FNBP1L: variants seen among roughly 807,000 people sequenced by gnomAD.
FNBP1L encodes the protein formin-binding protein 1-like.
Under a neutral mutation model 91.2 loss-of-function variants are expected in FNBP1L, and 36 were observed. The observed-to-expected ratio is 0.39, with a 90% confidence interval of 0.30 to 0.52. The LOEUF (loss-of-function observed/expected upper bound fraction) is 0.52. FNBP1L is among the 20% of genes least tolerant of loss of function. FNBP1L has a pLI of 0.66. For missense variants in FNBP1L, 571 were observed against 732.1 expected, an observed-to-expected ratio of 0.78 and a Z score of 2.54; for synonymous variants, 242 against 237.0, an observed-to-expected ratio of 1.02 and a Z score of -0.19.
intron 1 of FNBP1L, among the ~76,000 whole-genome samples, chr1:93,465,774 G>A (rs1570768170): frequency 3.9e-5 from 6 of 152,264 alleles, no homozygotes; most frequent in Admixed American, 3.3e-4. Flanking sequence ...TTGAGGAATC[G>A]CCACACTGTC....
At chr1:93,451,554 A>G (rs1414054568) in intron 1 of FNBP1L, among the ~76,000 whole-genome samples, 1 of 152,208 alleles carries the variant, frequency 6.6e-6, no homozygotes, top group Non-Finnish European at 1.5e-5. Flanking sequence ...AAGTGCATAT[A>G]AATCTTTTTT....
At chr1:93,452,621 G>C (rs889478166) in intron 1 of FNBP1L, among the ~76,000 whole-genome samples, 1 of 152,154 alleles carries the variant, frequency 6.6e-6, no homozygotes, top group African/African-American at 2.4e-5. Flanking sequence ...TAGAGATGGG[G>C]TCTTGCTATA....
intron 4 of FNBP1L, 141 bp downstream of exon 4, chr1:93,523,632 A>G: frequency 2.2e-6 from 2 of 896,464 alleles, no homozygotes; most frequent in East Asian, 2.9e-5. Flanking sequence ...ATTATCACAA[A>G]ATACTCTTGC....
At chr1:93,458,898 T>TA (rs1242350059) in intron 1 of FNBP1L, among the ~76,000 whole-genome samples, 1 of 152,236 alleles carries the variant, frequency 6.6e-6, no homozygotes, top group African/African-American at 2.4e-5. Context: ...ATGGCAAGTA[T>TA]AGAAGTATAG....
chr1:93,543,918 A>G (rs543001606), intron 11 of FNBP1L, 189 bp from the exon 12 acceptor site: 1 of 355,248 alleles, frequency 2.8e-6, no homozygotes, highest in East Asian at 4.5e-5. Flanking sequence ...TCTTCAGTAC[A>G]TTGTTTTCAT....
At chr1:93,520,168 C>T (rs1209135976) in intron 2 of FNBP1L, among the ~76,000 whole-genome samples, 2 of 152,104 alleles carry the variant, frequency 1.3e-5, no homozygotes, top group African/African-American at 4.8e-5. Context: ...TATAAGTCTC[C>T]TGCTCATGGG....
At chr1:93,513,040 AAAG>A (rs1056523514) in intron 2 of FNBP1L, among the ~76,000 whole-genome samples, 8 of 152,206 alleles carry the variant, frequency 5.3e-5, no homozygotes, top group African/African-American at 1.9e-4. Context: ...ACTAATAAAA[AAAG>A]AGAGAAGAAT....
intron 7 of FNBP1L, 21 bp from the exon 8 acceptor site, chr1:93,532,901 A>T (rs775967671): frequency 1.7e-5 from 26 of 1,565,010 alleles, no homozygotes; most frequent in African/African-American, 5.5e-5. Context: ...TTCTCTTTTT[A>T]AAAAAATTCT....
intron 1 of FNBP1L, among the ~76,000 whole-genome samples, chr1:93,472,760 C>T (rs937369733): frequency 1.7e-5 from 2 of 121,200 alleles, no homozygotes; most frequent in Admixed American, 1.2e-4. Context: ...TGCAGTGAGC[C>T]GAGATTGCGC....
intron 6 of FNBP1L, among the ~76,000 whole-genome samples, 154 bp downstream of exon 6, chr1:93,529,910 T>C (rs900758650): frequency 3.3e-5 from 5 of 152,198 alleles, no homozygotes; most frequent in African/African-American, 9.6e-5. Context: ...CTTTAAATTA[T>C]ACGTATTGGT....
intron 1 of FNBP1L, among the ~76,000 whole-genome samples, chr1:93,490,096 G>A (rs1344011917): frequency 6.6e-6 from 1 of 152,160 alleles, no homozygotes; most frequent in African/African-American, 2.4e-5. Flanking sequence ...TGGATGCAAG[G>A]CTGTATCAAA....
chr1:93,472,656 C>A (rs1351257798), intron 1 of FNBP1L, among the ~76,000 whole-genome samples: 1 of 151,332 alleles, frequency 6.6e-6, no homozygotes, highest in African/African-American at 2.4e-5. Flanking sequence ...ACTAAAAATA[C>A]AAAAAATTAG....
At chr1:93,522,781 C>G (rs190605195) in intron 3 of FNBP1L, among the ~76,000 whole-genome samples, 2 of 152,150 alleles carry the variant, frequency 1.3e-5, no homozygotes, top group Non-Finnish European at 2.9e-5. Context: ...TACATTAATA[C>G]AGTGATTCTC....
chr1:93,546,929 C>T lies in FNBP1L; in HGVS notation c.1362C>T (p.Thr454=). The T allele has an allele frequency of 6.2e-7, 1 of 1,612,598 alleles. No homozygotes were observed. The change falls in exon 13 of 17, where the codon ACC becomes ACT. Residue 454 remains threonine (T), a synonymous_variant. Coordinates refer to ENST00000271234, the MANE Select transcript of FNBP1L (RefSeq NM_001164473.3). ...PGSLQPKLAE[T]MNNIDRLRME... ...GTTTGCAGCCTAAATTAGCAGAGAC[C>T]ATGAATAACATTGACCGCCTACGAA...
At chr1:93,536,256 C>T in intron 9 of FNBP1L, 76 bp from the exon 10 acceptor site, 1 of 1,118,980 alleles carries the variant, frequency 8.9e-7, no homozygotes, top group South Asian at 3.7e-5. Flanking sequence ...AAGTATGTTG[C>T]CAAAAATAGA....
intron 3 of FNBP1L, among the ~76,000 whole-genome samples, chr1:93,522,841 T>A (rs551185628): frequency 6.6e-6 from 1 of 152,306 alleles, no homozygotes; most frequent in East Asian, 1.9e-4. Flanking sequence ...TTTTTGACCC[T>A]TTACCCGCTT....
rs768331923 is a variant in FNBP1L, at chr1:93,499,571, C to G, written c.128C>G (p.Ala43Gly). 1.0e-5 allele frequency: 16 copies of G among 1,571,662 alleles called. No individual in the cohort carries two copies. In the African/African-American group the frequency reaches 1.6e-4, roughly 16 times the overall value. ...KERIEIEQNY[A>G]KQLRNLVKKY... is the part of the protein sequence containing the mutation. ...AGGATAGAAATTGAACAGAACTATG[C>G]GAAACAATTGAGGTAAGTTAATTTT... Residue 43 changes from alanine (A) to glycine (G), a missense_variant, in exon 2 of 17, where the codon GCG (alanine) becomes GGG (glycine). Coordinates refer to ENST00000271234, the MANE Select transcript of FNBP1L (RefSeq NM_001164473.3).
intron 2 of FNBP1L, among the ~76,000 whole-genome samples, chr1:93,502,132 A>G (rs996371666): frequency 4.6e-5 from 7 of 152,174 alleles, no homozygotes; most frequent in African/African-American, 9.6e-5. Context: ...TTTATTGCTT[A>G]CTTGTGTTTG....
Position 93,450,040 on chromosome 1 carries a change from G to C in FNBP1L, c.24+1735G>C, listed in dbSNP as rs78124543. 3.3e-3 allele frequency among the ~76,000 whole-genome samples: 498 copies of C among 152,074 alleles called. 2 individuals are homozygous for C. The highest frequency in any genetic ancestry group is 0.011 in the African/African-American group (477 of 41,516). On this transcript the variant is annotated intron_variant, in intron 1 of 16. Transcript: ENST00000271234. ...AGAATACTTCTAAAAAGTAAACATA[G>C]GAAAACAGTGGAGGCATGTTATTTA...
Sources: gnomAD v4.1 joint callset for allele counts (sites outside exome capture counted in the v4.1 genomes callset) on GRCh38, gnomAD v4.1.1 for gene constraint, MANE v1.5 for transcripts, NCBI Gene and HGNC (gene_info 2026-07-23, HGNC 2026-07-21) for gene names.